HECTD3: variants seen among roughly 807,000 people sequenced by gnomAD.
HECTD3 encodes HECT domain E3 ubiquitin protein ligase 3.
HECTD3 carries 72 observed loss-of-function variants against 109.3 expected under a neutral mutation model. That is an observed-to-expected ratio of 0.66 (90% confidence interval 0.54 to 0.80). The LOEUF is 0.80. HECTD3 is among the 30% of genes least tolerant of loss of function. The probability of loss-of-function intolerance (pLI) is 0.00; values close to 1 mark genes in which losing one functional copy is unlikely to be tolerated. For synonymous variants in HECTD3, 481 were observed against 471.8 expected, an observed-to-expected ratio of 1.02 and a Z score of -0.25; for missense variants, 1,041 against 1,165.2, an observed-to-expected ratio of 0.89 and a Z score of 1.55.
Position 45,006,638 on chromosome 1 carries a change from T to G in HECTD3, c.1725+54A>C. ...CAATCTGGCCCCCTCCTCTGCCCCC[T>G]TTCTAGCTCAATCTGGCACCTGGGA... is the stretch of plus-strand genomic sequence containing the variant. On this transcript the variant is annotated intron_variant, in intron 13 of 20. Transcript: ENST00000372172. This position sits in a 1 kb window ranked among gnomAD's most constrained non-coding sequence, Gnocchi z 4.7. 1 of 1,489,328 alleles carries G rather than the reference T, an allele frequency of 6.7e-7. No individual in the cohort carries two copies. Among genetic ancestry groups the G allele is most frequent in the Non-Finnish European group, 9.3e-7 (1 of 1,080,236 alleles). 92.3% of individuals were successfully genotyped at this position (1,489,328 alleles called of 1,614,324 possible).
At position 45,006,291 on chromosome 1, in the gene HECTD3, T is replaced by G; in HGVS notation, c.1726-175A>C. The G allele has an allele frequency of 1.5e-6, 1 of 646,930 alleles. No individual in the cohort carries two copies. Among genetic ancestry groups the G allele is most frequent in the Non-Finnish European group, 2.6e-6 (1 of 389,732 alleles). The allele number at this position is 646,930 out of a possible 1,614,324, so 40.1% of individuals were successfully genotyped here. On this transcript the variant is annotated intron_variant, in intron 13 of 20. Transcript: ENST00000372172. The surrounding 1 kb of genome is among the most constrained non-coding windows in gnomAD (Gnocchi z 4.7). The stretch of plus-strand genomic sequence containing the variant: ...AGGTTGCCCTGAGCAACTCAGTCCC[T>G]CCTCTGCCCTATTTCTATTTTTTTT...
Position 45,007,557 on chromosome 1 carries a change from T to C in HECTD3, c.1359A>G (p.Pro453=). The C allele has an allele frequency of 1.2e-6, 2 of 1,613,370 alleles. No homozygotes were observed. Among genetic ancestry groups the C allele is most frequent in the African/African-American group, 1.3e-5 (1 of 75,042 alleles). Residue 453 remains proline, a synonymous_variant, in exon 10 of 21, where the codon CCA becomes CCG. Coordinates refer to ENST00000372172, the MANE Select transcript of HECTD3 (RefSeq NM_024602.6). ...KQFLLLSRQR[P]GLVAQCLRDS... is the part of the protein sequence containing the mutation. Reference sequence around the variant, plus strand: ...CACGCAGGCACTGAGCCACCAGGCCTGGCCGCTGGCGGGACAGCAGTAGGA... The same window carrying C: ...CACGCAGGCACTGAGCCACCAGGCCCGGCCGCTGGCGGGACAGCAGTAGGA...
In HECTD3 at chr1:45,005,903, C is replaced by G; in HGVS notation, c.1846-20G>C. The G allele has an allele frequency of 6.2e-7, 1 of 1,604,468 alleles. No homozygotes were observed. Among genetic ancestry groups the G allele is most frequent in the Non-Finnish European group, 8.5e-7 (1 of 1,175,168 alleles). ...CAGGACCTGTGTGACAAACACTCCC[C>G]ACTGTCTTCTCACCCTGAGCTGCCC... On this transcript the variant is annotated intron_variant, in intron 14 of 20. Transcript: ENST00000372172.
In HECTD3 at chr1:45,011,194, A is replaced by G; in HGVS notation, c.64T>C (p.Phe22Leu). 1 of 1,468,884 alleles carries G rather than the reference A, an allele frequency of 6.8e-7. No individual in the cohort carries two copies. The highest frequency in any genetic ancestry group is 8.9e-7 in the Non-Finnish European group (1 of 1,118,712). 91.0% of individuals were successfully genotyped at this position (1,468,884 alleles called of 1,614,324 possible). ...SPRQLLGRVR[F>L]LAEAARSLRA... is the part of the protein sequence containing the mutation. ...AGGCTCCGCGCTGCCTCTGCCAAGA[A>G]GCGCACGCGGCCCAGCAGCTGCCGG... The change falls in exon 1 of 21, where the codon TTC becomes CTC. Residue 22 changes from phenylalanine (F) to leucine (L), a missense_variant. Physicochemically the swap from Phe to Leu is conservative, Grantham distance 22 (BLOSUM62 0). This residue lies in a region of HECTD3 where 472 missense variants were observed against 449.9 expected (regional missense o/e 1.05). Transcript: ENST00000372172.
chr1:45,005,588 T>G, intron 15 of HECTD3: 3 of 468,736 alleles, frequency 6.4e-6, no homozygotes, highest in East Asian at 3.2e-5. Flanking sequence ...TACAGATACA[T>G]ATATGGCCCC....
Position 45,008,579 on chromosome 1 carries a change from T to G in HECTD3, c.1195A>C (p.Thr399Pro). The change falls in exon 8 of 21, where the codon ACC becomes CCC. Residue 399 changes from threonine to proline, a missense_variant. Transcript: ENST00000372172. ...CTGCGGTACAGTACTTCAGGGTCGG[T>G]GCCTTCTAGGCGTGGATATCGCACC... ...SLVRYPRLEG[T>P]DPEVLYRRAV... 2 of 1,614,046 alleles carry G rather than the reference T, an allele frequency of 1.2e-6. No homozygotes were observed. Among genetic ancestry groups the G allele is most frequent in the Non-Finnish European group, 1.7e-6 (2 of 1,179,958 alleles).
chr1:45,006,131 G>A lies in HECTD3; in HGVS notation c.1726-15C>T, dbSNP rs779839902. On this transcript the variant is annotated splice_polypyrimidine_tract_variant and intron_variant, in intron 13 of 20. Coordinates refer to ENST00000372172, the MANE Select transcript of HECTD3 (RefSeq NM_024602.6). The surrounding 1 kb of genome is among the most constrained non-coding windows in gnomAD (Gnocchi z 4.7). ...GTGCCATTGCCCTGCCCCAGAGACA[G>A]AGCTGTGAGTGTGGCATGAGATACA... 6.2e-6 allele frequency: 10 copies of A among 1,611,266 alleles called. No homozygotes were observed. The African/African-American group carries it at 1.1e-4, about 17-fold the overall frequency.
Position 45,006,537 on chromosome 1 carries a change from C to T in HECTD3, c.1725+155G>A, listed in dbSNP as rs540997189. Among the ~76,000 whole-genome samples, 3 of 152,166 alleles carry T rather than the reference C, an allele frequency of 2.0e-5. No individual in the cohort carries two copies. The highest frequency in any genetic ancestry group is 6.5e-5 in the Admixed American group (1 of 15,290). ...CAGGCTGGTCTTGAACTCCTGACCTCGTGATCTGCCCGCCTCGGCTTCCCA... is the reference window on the plus strand; with the variant it reads ...CAGGCTGGTCTTGAACTCCTGACCTTGTGATCTGCCCGCCTCGGCTTCCCA... On this transcript the variant is annotated intron_variant, in intron 13 of 20. Coordinates refer to ENST00000372172, the MANE Select transcript of HECTD3 (RefSeq NM_024602.6). The surrounding 1 kb of genome is among the most constrained non-coding windows in gnomAD (Gnocchi z 4.7).
chr1:45,010,664 C>T lies in HECTD3; in HGVS notation c.412G>A (p.Gly138Ser), dbSNP rs1040282476. The change falls in exon 2 of 21, where the codon GGC (glycine) becomes AGC (serine). Residue 138 changes from glycine to serine, a missense_variant. Around this residue, in one of 2 missense-constraint regions of HECTD3, gnomAD observed 472 missense variants for 449.9 expected, o/e 1.05. Coordinates refer to ENST00000372172, the MANE Select transcript of HECTD3 (RefSeq NM_024602.6). ...EHLGDCGLQE[G>S]WLLVCRPAEG... ...GCCGGGCGGCACACCAGCAGCCAGCCTTCCTGCAGCCCGCAGTCGCCCAGG... is the reference window on the plus strand; with the variant it reads ...GCCGGGCGGCACACCAGCAGCCAGCTTTCCTGCAGCCCGCAGTCGCCCAGG... 3.1e-6 allele frequency: 5 copies of T among 1,588,436 alleles called. No homozygotes were observed. The highest frequency in any genetic ancestry group is 4.3e-6 in the Non-Finnish European group (5 of 1,171,234).
rs1644734613 is a variant in HECTD3, at chr1:45,006,297, G to A, written c.1726-181C>T. ...CCCTGAGCAACTCAGTCCCTCCTCT[G>A]CCCTATTTCTATTTTTTTTTTTTTT... On this transcript the variant is annotated intron_variant, in intron 13 of 20. Transcript: ENST00000372172. The surrounding 1 kb of genome is among the most constrained non-coding windows in gnomAD (Gnocchi z 4.7). 1.6e-6 allele frequency: 1 copy of A among 615,168 alleles called. No individual in the cohort carries two copies. The highest frequency in any genetic ancestry group is 2.7e-6 in the Non-Finnish European group (1 of 371,614). 38.1% of individuals were successfully genotyped at this position (615,168 alleles called of 1,614,324 possible).
rs767390717 is a variant in HECTD3, at chr1:45,003,810, A to T, written c.2429+45T>A. 6.2e-7 allele frequency: 1 copy of T among 1,609,344 alleles called. No homozygotes were observed. Among genetic ancestry groups the T allele is most frequent in the East Asian group, 2.2e-5 (1 of 44,808 alleles). On this transcript the variant is annotated intron_variant, in intron 19 of 20. Coordinates refer to ENST00000372172, the MANE Select transcript of HECTD3 (RefSeq NM_024602.6). This position sits in a 1 kb window ranked among gnomAD's most constrained non-coding sequence, Gnocchi z 4.7. ...ACATGTACGTGTGTGGGGAGGGAGG[A>T]CAGAAGGCGGCCATGGCACCTTCAG...
At chr1:45,007,048 TG>T in intron 11 of HECTD3, 33 bp from the exon 12 acceptor site, 1 of 1,612,346 alleles carries the variant, frequency 6.2e-7, no homozygotes, top group Non-Finnish European at 8.5e-7. Context: ...TGTCATTATG[TG>T]GGGCCAGGTG....
chr1:45,009,731 C>T, intron 4 of HECTD3, 48 bp from the exon 5 acceptor site: 2 of 1,437,480 alleles, frequency 1.4e-6, no homozygotes, highest in Non-Finnish European at 1.9e-6. Flanking sequence ...TCCCTCCCTG[C>T]ACTGGGCTTG....
At position 45,004,639 on chromosome 1, in the gene HECTD3, T is replaced by C. The variant is rs759665748; in HGVS notation, c.2103A>G (p.Gln701=). 4.1e-5 allele frequency: 66 copies of C among 1,613,992 alleles called. No homozygotes were observed. The East Asian group carries it at 4.2e-4, about 10-fold the overall frequency. Residue 701 remains glutamine (Q), a synonymous_variant, in exon 16 of 21, where the codon CAA becomes CAG. Transcript: ENST00000372172. The part of the protein sequence containing the change: ...VGYGDRSRFI[Q]LVQKARLEES... ...CCTCTAGCCGTGCCTTCTGGACCAG[T>C]TGGATGAAACGAGAACGGTCCCCAT...
chr1:45,004,088 G>C lies in HECTD3; in HGVS notation c.2319C>G (p.Phe773Leu). The C allele has an allele frequency of 6.2e-7, 1 of 1,614,034 alleles. No individual in the cohort carries two copies. Among genetic ancestry groups the C allele is most frequent in the Non-Finnish European group, 8.5e-7 (1 of 1,180,020 alleles). The change falls in exon 18 of 21, where the codon TTC becomes TTG. Residue 773 changes from phenylalanine to leucine, a missense_variant. Transcript: ENST00000372172. ...FEPSDSRVQY[F>L]WEALNNFTNE... ...TGGTGAAGTTGTTCAGTGCCTCCCA[G>C]AAATACTGCACCCGCGAGTCAGATG... is the stretch of plus-strand genomic sequence containing the variant.
intron 7 of HECTD3, 66 bp from the exon 8 acceptor site, chr1:45,008,767 G>C: frequency 6.6e-7 from 1 of 1,506,222 alleles, no homozygotes; most frequent in Admixed American, 1.7e-5. Flanking sequence ...TCAGACCTGG[G>C]ACCGGCTCCT....
At position 45,007,547 on chromosome 1, in the gene HECTD3, C is replaced by A; in HGVS notation, c.1369G>T (p.Ala457Ser). The A allele has an allele frequency of 6.2e-7, 1 of 1,613,696 alleles. No individual in the cohort carries two copies. The highest frequency in any genetic ancestry group is 8.5e-7 in the Non-Finnish European group (1 of 1,180,000). ...CTCTCAGAGTCACGCAGGCACTGAG[C>A]CACCAGGCCTGGCCGCTGGCGGGAC... Reference protein sequence around the residue: ...LLSRQRPGLVAQCLRDSESSK... With the variant: ...LLSRQRPGLVSQCLRDSESSK... Residue 457 changes from alanine to serine, a missense_variant, in exon 10 of 21, where the codon GCT (alanine) becomes TCT (serine). Ala to Ser is a moderately conservative substitution (Grantham distance 99, BLOSUM62 1). This residue lies in a region of HECTD3 where 569 missense variants were observed against 715.3 expected (regional missense o/e 0.80). Coordinates refer to ENST00000372172, the MANE Select transcript of HECTD3 (RefSeq NM_024602.6).
chr1:45,008,787 A>T lies in HECTD3; in HGVS notation c.1073-86T>A, dbSNP rs1409303040. On this transcript the variant is annotated intron_variant, in intron 7 of 20. Coordinates refer to ENST00000372172, the MANE Select transcript of HECTD3 (RefSeq NM_024602.6). ...CCTGGGACCGGCTCCTTGAACGCTC[A>T]GCCTTGTGTCACCGTTAGCCCCTAG... 8 of 1,329,642 alleles carry T rather than the reference A, an allele frequency of 6.0e-6. No individual in the cohort carries two copies. In the East Asian group the frequency reaches 1.9e-4, roughly 31 times the overall value. 82.4% of individuals were successfully genotyped at this position (1,329,642 alleles called of 1,614,324 possible).
chr1:45,004,605 C>T lies in HECTD3; in HGVS notation c.2137G>A (p.Glu713Lys), dbSNP rs1644719081. The T allele has an allele frequency of 1.2e-6, 2 of 1,613,948 alleles. No individual in the cohort carries two copies. The highest frequency in any genetic ancestry group is 1.7e-6 in the Non-Finnish European group (2 of 1,180,022). ...VQKARLEESKEQVAAMQAGLL... is the reference protein window; with the variant it reads ...VQKARLEESKKQVAAMQAGLL... The stretch of plus-strand genomic sequence containing the variant: ...TACTAGCCTCTGGGTACTACCTGCT[C>T]CTTGCTCTCCTCTAGCCGTGCCTTC... The change falls in exon 16 of 21, where the codon GAG (glutamate) becomes AAG (lysine). Residue 713 changes from glutamate (E) to lysine (K), a missense_variant. By Grantham distance (56) the Glu-to-Lys change is moderately conservative (BLOSUM62 1). Transcript: ENST00000372172.
Sources: gnomAD v4.1 joint callset for allele counts (sites outside exome capture counted in the v4.1 genomes callset) on GRCh38, gnomAD v4.1.1 for gene constraint, gnomAD v4.1.1 regional missense constraint, Gnocchi (gnomAD v3.1) non-coding constraint, MANE v1.5 for transcripts, NCBI Gene and HGNC (gene_info 2026-07-23, HGNC 2026-07-21) for gene names.